Variants in SHTN1 observed in about 807,000 individuals in gnomAD.
SHTN1 encodes shootin 1.
In SHTN1, 42 loss-of-function variants were observed where a neutral mutation model predicts 83.1. The ratio of observed to expected loss-of-function variants is 0.51; its 90% CI spans 0.39 to 0.65. The LOEUF is 0.65. Ranked by LOEUF, SHTN1 falls within the 30% of genes least tolerant of loss-of-function variation. SHTN1 has a pLI of 0.00. For missense variants in SHTN1, 622 were observed against 737.8 expected (o/e 0.84, Z 1.82); for synonymous variants, 224 against 247.7 (o/e 0.90, Z 0.90).
At chr10:117,073,389 C>A (rs1427525326) in intron 1 of SHTN1, among the ~76,000 whole-genome samples, 1 of 152,174 alleles carries the variant, frequency 6.6e-6, no homozygotes, top group African/African-American at 2.4e-5. Flanking sequence ...CATAATAACT[C>A]TATGAAGTAC....
At chr10:117,013,097 T>G (rs1053805492) in intron 2 of SHTN1, among the ~76,000 whole-genome samples, 7 of 152,064 alleles carry the variant, frequency 4.6e-5, no homozygotes, top group African/African-American at 1.7e-4. Context: ...TTTTTAAAAA[T>G]AAATATTAAA....
chr10:116,921,621 A>G, intron 11 of SHTN1, 105 bp from the exon 12 acceptor site: 1 of 701,114 alleles, frequency 1.4e-6, no homozygotes, highest in East Asian at 2.7e-5. Context: ...TATAACTAGA[A>G]TCTAAGTAGT....
At chr10:117,005,352 C>A, upstream of SHTN1, 1 of 1,267,370 alleles carries the variant, frequency 7.9e-7, no homozygotes, top group Non-Finnish European at 1.0e-6. Context: ...GGTCGGCAGC[C>A]GCTATGCCAG....
At chr10:116,931,334 C>T (rs947072259) in intron 9 of SHTN1, among the ~76,000 whole-genome samples, 10 of 151,810 alleles carry the variant, frequency 6.6e-5, no homozygotes, top group African/African-American at 2.4e-4. Flanking sequence ...CTGCAAACTT[C>T]GCCTCCTGGG....
intron 1 of SHTN1, among the ~76,000 whole-genome samples, chr10:117,064,944 A>G (rs888109619): frequency 6.6e-6 from 1 of 152,098 alleles, no homozygotes; most frequent in Non-Finnish European, 1.5e-5. Flanking sequence ...TTTCTTACTC[A>G]TTTACACCTC....
chr10:117,075,524 A>G (rs1853139536), intron 1 of SHTN1, among the ~76,000 whole-genome samples: 1 of 152,238 alleles, frequency 6.6e-6, no homozygotes, highest in Non-Finnish European at 1.5e-5. Context: ...GGAACTTCCA[A>G]TCTACTAGGG....
At chr10:117,121,626 CTCAG>C (rs1853930086) in intron 1 of SHTN1, among the ~76,000 whole-genome samples, 1 of 151,892 alleles carries the variant, frequency 6.6e-6, no homozygotes, top group African/African-American at 2.4e-5. Flanking sequence ...ACAGTCATAC[CTCAG>C]TATGAATGGG....
chr10:117,116,945 C>G (rs1189390607), intron 1 of SHTN1, among the ~76,000 whole-genome samples: 2 of 152,034 alleles, frequency 1.3e-5, no homozygotes, highest in Non-Finnish European at 2.9e-5. Context: ...AAACCCACAA[C>G]TAACATATTG....
At chr10:116,913,594 T>A (rs1187134696) in intron 13 of SHTN1, among the ~76,000 whole-genome samples, 1 of 152,262 alleles carries the variant, frequency 6.6e-6, no homozygotes, top group Non-Finnish European at 1.5e-5. Context: ...AACTTTTTTC[T>A]TTCTAAAACT....
At chr10:117,047,625 T>C (rs1161740444) in intron 2 of SHTN1, among the ~76,000 whole-genome samples, 1 of 152,110 alleles carries the variant, frequency 6.6e-6, no homozygotes, top group African/African-American at 2.4e-5. Context: ...CTCTCTCTGG[T>C]ACAATTAAGG....
At chr10:117,114,370 T>C (rs1564963674) in intron 1 of SHTN1, among the ~76,000 whole-genome samples, 1 of 151,984 alleles carries the variant, frequency 6.6e-6, no homozygotes, top group East Asian at 1.9e-4. Context: ...AGTGAGGAAA[T>C]AGAAAAGGGG....
At chr10:117,063,541 C>G (rs1054611141) in intron 1 of SHTN1, among the ~76,000 whole-genome samples, 2 of 152,114 alleles carry the variant, frequency 1.3e-5, no homozygotes, top group African/African-American at 4.8e-5. Context: ...GTATTAAATT[C>G]ATTTTATTGA....
intron 1 of SHTN1, among the ~76,000 whole-genome samples, chr10:117,104,779 A>C (rs1363128111): frequency 6.6e-6 from 1 of 152,084 alleles, no homozygotes; most frequent in East Asian, 1.9e-4. Context: ...GTCTCAAAAC[A>C]ACAACAACAA....
In SHTN1 at chr10:116,930,204, A is replaced by T. The variant is rs184672090; in HGVS notation, c.859-202T>A. 2.0e-5 allele frequency among the ~76,000 whole-genome samples: 3 copies of T among 152,238 alleles called. No homozygotes were observed. The East Asian group carries it at 5.8e-4, about 29-fold the overall frequency. Reference sequence around the variant, plus strand: ...TAAAGAGCTGATTTAAAATAAATTTACTGGGGAGTTACGTACCAGACACTT... The same window carrying T: ...TAAAGAGCTGATTTAAAATAAATTTTCTGGGGAGTTACGTACCAGACACTT... On this transcript the variant is annotated intron_variant, in intron 9 of 16. Coordinates refer to ENST00000355371, the MANE Select transcript of SHTN1 (RefSeq NM_001127211.3).
chr10:116,888,919 C>T (rs1400160554), intron 16 of SHTN1, among the ~76,000 whole-genome samples: 1 of 152,258 alleles, frequency 6.6e-6, no homozygotes, highest in African/African-American at 2.4e-5. Context: ...TGCAGCCCAG[C>T]TAAGGTTCCA....
At chr10:116,941,906 G>C (rs1211121583) in intron 8 of SHTN1, among the ~76,000 whole-genome samples, 2 of 152,170 alleles carry the variant, frequency 1.3e-5, no homozygotes, top group Non-Finnish European at 2.9e-5. Context: ...TTTGCCTAGG[G>C]ATTTATGAAA....
intron 2 of SHTN1, among the ~76,000 whole-genome samples, chr10:116,971,823 T>C (rs1244948407): frequency 1.3e-5 from 2 of 152,230 alleles, no homozygotes; most frequent in African/African-American, 4.8e-5. Flanking sequence ...TGACTTAATG[T>C]CACTTGGTTC....
In SHTN1 at chr10:116,972,639, G is replaced by A. The variant is rs1170839872; in HGVS notation, c.112-3927C>T. 3.3e-5 allele frequency among the ~76,000 whole-genome samples: 5 copies of A among 152,022 alleles called. No individual in the cohort carries two copies. In the East Asian group the frequency reaches 9.6e-4, roughly 29 times the overall value. On this transcript the variant is annotated intron_variant, in intron 2 of 16. Transcript: ENST00000355371. ...CCACCCCTTCCTCTACCCTGCTCAC[G>A]CAGCTGCACCATTTGTAAAAACTGC...
intron 15 of SHTN1, among the ~76,000 whole-genome samples, chr10:116,904,899 G>C (rs933831188): frequency 6.6e-6 from 1 of 152,168 alleles, no homozygotes; most frequent in Non-Finnish European, 1.5e-5. Context: ...CATCAACAAA[G>C]TCCTTAAAAA....
Sources: gnomAD v4.1 joint callset for allele counts (sites outside exome capture counted in the v4.1 genomes callset) on GRCh38, gnomAD v4.1.1 for gene constraint, MANE v1.5 for transcripts, NCBI Gene and HGNC (gene_info 2026-07-23, HGNC 2026-07-21) for gene names.